Variants in WNT2 observed in about 807,000 individuals in gnomAD.
The protein encoded by WNT2 is protein Wnt-2.
WNT2 carries 12 observed loss-of-function variants against 36.9 expected under a neutral mutation model. That is an observed-to-expected ratio of 0.33 (90% CI 0.21 to 0.53). The LOEUF (loss-of-function observed/expected upper bound fraction) is 0.53. Ranked by LOEUF, WNT2 falls within the 20% of genes least tolerant of loss-of-function variation. The pLI is 0.95. For synonymous variants in WNT2, 163 were observed against 174.6 expected (o/e 0.93, Z 0.52); for missense variants, 379 against 473.1 (o/e 0.80, Z 1.84).
At position 117,276,790 on chromosome 7, in the gene WNT2, C is replaced by A. The variant is rs998756058; in HGVS notation, c.*1365G>T. ...ACGGTGCAGGCAGCCTCTCCATTTT[C>A]CCTGAATGTCATCTTTTGGCTGATG... On this transcript the variant is annotated 3_prime_UTR_variant, in exon 5 of 5. Coordinates refer to ENST00000265441, the MANE Select transcript of WNT2 (RefSeq NM_003391.3). The A allele has an allele frequency of 1.3e-5, 2 of 152,162 alleles. No individual in the cohort carries two copies. Among genetic ancestry groups the A allele is most frequent in the African/African-American group, 2.4e-5 (1 of 41,434 alleles). 9.4% of individuals were successfully genotyped at this position (152,162 alleles called of 1,614,324 possible).
intron 4 of WNT2, among the ~76,000 whole-genome samples, chr7:117,293,098 C>T (rs569791819): frequency 8.5e-4 from 129 of 151,520 alleles, no homozygotes; most frequent in African/African-American, 3.1e-3. Context: ...GTCTGGGCAA[C>T]AGAGCAATAA....
At chr7:117,312,922 T>TA (rs869291432) in intron 3 of WNT2, among the ~76,000 whole-genome samples, 4 of 152,190 alleles carry the variant, frequency 2.6e-5, no homozygotes, top group Non-Finnish European at 4.4e-5. Flanking sequence ...AGATGGTTTT[T>TA]AAAAAAATGA....
intron 4 of WNT2, among the ~76,000 whole-genome samples, chr7:117,294,557 A>C (rs1181280208): frequency 1.3e-5 from 2 of 150,416 alleles, no homozygotes; most frequent in Non-Finnish European, 2.9e-5. Context: ...TAGGAATCTT[A>C]CTGGAAATCT....
At chr7:117,291,940 G>T (rs989371249) in intron 4 of WNT2, among the ~76,000 whole-genome samples, 43 of 152,070 alleles carry the variant, frequency 2.8e-4, no homozygotes, top group Middle Eastern at 3.4e-3. Flanking sequence ...ACCACGCCTG[G>T]CTAATTTTGT....
chr7:117,287,558 A>AT (rs1467017474), intron 4 of WNT2, among the ~76,000 whole-genome samples: 4 of 151,654 alleles, frequency 2.6e-5, no homozygotes, highest in Non-Finnish European at 4.4e-5. Flanking sequence ...ATATTTGATC[A>AT]TTTTTTCATG....
At chr7:117,297,586 C>T (rs374842081) in intron 4 of WNT2, 26 bp downstream of exon 4, 2 of 1,595,118 alleles carry the variant, frequency 1.3e-6, no homozygotes, top group Non-Finnish European at 1.7e-6. Flanking sequence ...GAATTAGGTA[C>T]TATAAAGAAA....
chr7:117,309,197 T>G (rs564834326), intron 3 of WNT2, among the ~76,000 whole-genome samples: 1 of 141,726 alleles, frequency 7.1e-6, no homozygotes, highest in Admixed American at 7.1e-5. Context: ...AAAAAAAAAA[T>G]TTTTTAAGTC....
chr7:117,286,734 C>A (rs1483462826), intron 4 of WNT2, among the ~76,000 whole-genome samples: 1 of 147,138 alleles, frequency 6.8e-6, no homozygotes, highest in African/African-American at 2.5e-5. Context: ...CTCACCCCTT[C>A]CTCACATTTG....
chr7:117,308,427 A>G (rs937873435), intron 3 of WNT2, among the ~76,000 whole-genome samples: 1 of 152,348 alleles, frequency 6.6e-6, no homozygotes, highest in East Asian at 1.9e-4. Flanking sequence ...CACTAACAAT[A>G]GAACTTTACA....
At chr7:117,294,949 G>A (rs1794760690) in intron 4 of WNT2, among the ~76,000 whole-genome samples, 1 of 152,172 alleles carries the variant, frequency 6.6e-6, no homozygotes, top group Non-Finnish European at 1.5e-5. Context: ...AAATTACCCA[G>A]TCGTGGTGAC....
chr7:117,314,127 G>A (rs1293095776), intron 3 of WNT2, among the ~76,000 whole-genome samples: 9 of 151,900 alleles, frequency 5.9e-5, no homozygotes, highest in South Asian at 2.1e-4. Flanking sequence ...ACAAATTATC[G>A]TTACCTCTTC....
intron 3 of WNT2, among the ~76,000 whole-genome samples, chr7:117,314,118 CA>C (rs767218390): frequency 1.3e-5 from 2 of 152,118 alleles, no homozygotes; most frequent in Non-Finnish European, 2.9e-5. Context: ...TGATAAAAGA[CA>C]AATTATCGTT....
rs552407813 is a variant in WNT2, at chr7:117,276,298, G to A, written c.*1857C>T. Reference sequence around the variant, plus strand: ...GTGGGACCCCCATGAAAGTGCCTTCGCACTCTCATGAAGGAATTCACACCA... The same window carrying A: ...GTGGGACCCCCATGAAAGTGCCTTCACACTCTCATGAAGGAATTCACACCA... On this transcript the variant is annotated 3_prime_UTR_variant, in exon 5 of 5. Transcript: ENST00000265441. Among the ~76,000 whole-genome samples, 40 of 152,306 alleles carry A rather than the reference G, an allele frequency of 2.6e-4. 1 individual carries two copies. The Middle Eastern group carries it at 0.01, about 39-fold the overall frequency.
intron 3 of WNT2, among the ~76,000 whole-genome samples, chr7:117,306,895 T>C (rs1795024156): frequency 6.6e-6 from 1 of 152,222 alleles, no homozygotes; most frequent in Non-Finnish European, 1.5e-5. Flanking sequence ...AATATATAAC[T>C]ATTCTCAACA....
Position 117,294,415 on chromosome 7 carries a change from A to G in WNT2, c.853+3197T>C, listed in dbSNP as rs149160750. On this transcript the variant is annotated intron_variant, in intron 4 of 4. Transcript: ENST00000265441. ...AAATATCCTAAATCATATTTTTACTAAAATAATCATCTGATGGTCAACAGA... is the reference window on the plus strand; with the variant it reads ...AAATATCCTAAATCATATTTTTACTGAAATAATCATCTGATGGTCAACAGA... Among the ~76,000 whole-genome samples the G allele has an allele frequency of 2.6e-3, 390 of 152,330 alleles. 3 individuals carry two copies. The Middle Eastern group carries it at 0.037, about 15-fold the overall frequency.
rs1794382406 is a variant in WNT2, at chr7:117,276,540, T to G, written c.*1615A>C. On this transcript the variant is annotated 3_prime_UTR_variant, in exon 5 of 5. Transcript: ENST00000265441. ...AAGAGGGCTGGAGGCAAATGTTAAC[T>G]ATGGCAAAGTACTCCAGTAGGTTGT... The G allele has an allele frequency of 6.6e-6, 1 of 152,228 alleles. No individual in the cohort carries two copies. Among genetic ancestry groups the G allele is most frequent in the Non-Finnish European group, 1.5e-5 (1 of 68,042 alleles). 9.4% of individuals were successfully genotyped at this position (152,228 alleles called of 1,614,324 possible).
At chr7:117,300,218 T>C (rs886903529) in intron 3 of WNT2, among the ~76,000 whole-genome samples, 2 of 152,184 alleles carry the variant, frequency 1.3e-5, no homozygotes, top group Non-Finnish European at 2.9e-5. Context: ...GACTGTGTCT[T>C]GCTCTGTTGC....
intron 2 of WNT2, 144 bp downstream of exon 2, chr7:117,320,423 G>T: frequency 1.3e-6 from 1 of 792,374 alleles, no homozygotes; most frequent in Non-Finnish European, 2.1e-6. Flanking sequence ...GTCCTCACCT[G>T]TAGAACAGGG....
chr7:117,298,495 G>A (rs1563202018), intron 3 of WNT2, among the ~76,000 whole-genome samples: 1 of 152,154 alleles, frequency 6.6e-6, no homozygotes, highest in Non-Finnish European at 1.5e-5. Flanking sequence ...GTGACCCTGA[G>A]GCTGACAGTA....
Sources: gnomAD v4.1 joint callset for allele counts (sites outside exome capture counted in the v4.1 genomes callset) on GRCh38, gnomAD v4.1.1 for gene constraint, MANE v1.5 for transcripts, NCBI Gene and HGNC (gene_info 2026-07-23, HGNC 2026-07-21) for gene names.